SORBS2: variants seen among roughly 807,000 people sequenced by gnomAD.
The protein encoded by SORBS2 is sorbin and SH3 domain-containing protein 2.
In SORBS2, 46 loss-of-function variants were observed where a neutral mutation model predicts 97.7. That is an observed-to-expected ratio of 0.47 (90% CI 0.37 to 0.60). SORBS2 has a LOEUF of 0.60. Ranked by LOEUF, SORBS2 falls within the 20% of genes least tolerant of loss-of-function variation. The pLI, the probability that SORBS2 is intolerant of heterozygous loss-of-function variation, is 0.00. For synonymous variants in SORBS2, 476 were observed against 473.4 expected (o/e 1.01, Z -0.07); for missense variants, 1,316 against 1,282.3 (o/e 1.03, Z -0.40).
At chr4:185,805,676 G>A (rs1019121298) in intron 1 of SORBS2, among the ~76,000 whole-genome samples, 2 of 152,106 alleles carry the variant, frequency 1.3e-5, no homozygotes, top group East Asian at 1.9e-4. Flanking sequence ...GAGCAACCAA[G>A]CAGTTATACA....
At position 185,917,312 on chromosome 4, in the gene SORBS2, C is replaced by T. The variant is rs371115202; in HGVS notation, c.-338+38884G>A. 3.3e-5 allele frequency among the ~76,000 whole-genome samples: 5 copies of T among 152,140 alleles called. No homozygotes were observed. In the South Asian group the frequency reaches 6.2e-4, roughly 19 times the overall value. Reference sequence around the variant, plus strand: ...CACGATCTCAGCTCACTGTAACCTCCGCCTCCCGGGCTCAAGGGATCCTCT... The same window carrying T: ...CACGATCTCAGCTCACTGTAACCTCTGCCTCCCGGGCTCAAGGGATCCTCT... On this transcript the variant is annotated intron_variant, in intron 1 of 20. Transcript: ENST00000284776.
At chr4:185,802,869 A>T (rs2099137047) in intron 1 of SORBS2, among the ~76,000 whole-genome samples, 1 of 152,220 alleles carries the variant, frequency 6.6e-6, no homozygotes, top group Non-Finnish European at 1.5e-5. Context: ...TCTCCATGTC[A>T]ATCAACAAGA....
intron 1 of SORBS2, among the ~76,000 whole-genome samples, chr4:185,944,840 T>C (rs1285280724): frequency 6.6e-6 from 1 of 152,188 alleles, no homozygotes; most frequent in African/African-American, 2.4e-5. Flanking sequence ...TGCAATCCCA[T>C]GGCACAGGTA....
intron 1 of SORBS2, among the ~76,000 whole-genome samples, chr4:185,939,739 A>G (rs1464192235): frequency 3.3e-5 from 5 of 151,826 alleles, no homozygotes; most frequent in African/African-American, 9.7e-5. Flanking sequence ...CGAACTCCCA[A>G]CCTCACGTGA....
At chr4:185,794,409 T>A (rs2099095878) in intron 1 of SORBS2, among the ~76,000 whole-genome samples, 1 of 152,174 alleles carries the variant, frequency 6.6e-6, no homozygotes, top group Non-Finnish European at 1.5e-5. Flanking sequence ...TTGAAAGTGA[T>A]CATTAAATTT....
intron 1 of SORBS2, among the ~76,000 whole-genome samples, chr4:185,900,232 T>A (rs951868334): frequency 6.6e-6 from 1 of 152,164 alleles, no homozygotes; most frequent in Non-Finnish European, 1.5e-5. Flanking sequence ...ATAGGACAAA[T>A]AAGTTACTAT....
At chr4:185,696,206 A>G (rs1561968553) in intron 2 of SORBS2, among the ~76,000 whole-genome samples, 1 of 152,206 alleles carries the variant, frequency 6.6e-6, no homozygotes, top group African/African-American at 2.4e-5. Context: ...ATGTCCTGAT[A>G]TTTGGAAAAA....
intron 1 of SORBS2, among the ~76,000 whole-genome samples, chr4:185,853,812 A>G (rs1183257699): frequency 6.6e-6 from 1 of 152,226 alleles, no homozygotes; most frequent in Admixed American, 6.5e-5. Context: ...TGAGGAAGAA[A>G]CAGAGGGAAA....
intron 1 of SORBS2, among the ~76,000 whole-genome samples, chr4:185,799,052 T>G (rs770634254): frequency 6.6e-6 from 1 of 152,220 alleles, no homozygotes; most frequent in Non-Finnish European, 1.5e-5. Context: ...GACATCAATT[T>G]GAGAACTAGA....
chr4:185,711,036 T>C (rs538289027), intron 2 of SORBS2, among the ~76,000 whole-genome samples: 1 of 152,154 alleles, frequency 6.6e-6, no homozygotes, highest in South Asian at 2.1e-4. Context: ...GTGGTGTGAT[T>C]ATGGCTCACT....
chr4:185,869,888 A>T (rs1051531260), intron 1 of SORBS2, among the ~76,000 whole-genome samples: 1 of 152,246 alleles, frequency 6.6e-6, no homozygotes, highest in Non-Finnish European at 1.5e-5. Flanking sequence ...TTCTCGAGGA[A>T]TAATTTAAAG....
In SORBS2 at chr4:185,627,111, G is replaced by T. The variant is rs994950562; in HGVS notation, c.447-92C>A. 33 of 1,070,066 alleles carry T rather than the reference G, an allele frequency of 3.1e-5. No homozygotes were observed. The Admixed American group carries it at 5.3e-4, about 17-fold the overall frequency. The allele number at this position is 1,070,066 out of a possible 1,614,324, so 66.3% of individuals were successfully genotyped here. On this transcript the variant is annotated intron_variant, in intron 5 of 14. Transcript: ENST00000418609. ...GGTGGAACGTGCTAGTGACAATGGC[G>T]TAACTCCTAAACCTCTATCCCCAAA...
chr4:185,877,382 A>G (rs1249801534), intron 1 of SORBS2, among the ~76,000 whole-genome samples: 2 of 152,252 alleles, frequency 1.3e-5, no homozygotes, highest in Non-Finnish European at 2.9e-5. Flanking sequence ...CAGTTATGTA[A>G]CAATTCAAAT....
In SORBS2 at chr4:185,736,708, C is replaced by T. The variant is rs557941700; in HGVS notation, c.-198+38519G>A. ...CAGGGCCACTGGAACACAACCCACC[C>T]GATGACACCAGGGTGTGTCGAGCCT... On this transcript the variant is annotated intron_variant, in intron 2 of 20. Transcript: ENST00000284776. Among the ~76,000 whole-genome samples, 14 of 152,218 alleles carry T rather than the reference C, an allele frequency of 9.2e-5. No homozygotes were observed. In the South Asian group the frequency reaches 2.1e-3, roughly 23 times the overall value.
At chr4:185,904,996 C>T (rs749720021) in intron 1 of SORBS2, among the ~76,000 whole-genome samples, 1 of 151,948 alleles carries the variant, frequency 6.6e-6, no homozygotes, top group Non-Finnish European at 1.5e-5. Flanking sequence ...CCCAGCTACT[C>T]GGGAAGCTGA....
At chr4:185,678,971 G>GCTTGTA in intron 2 of SORBS2, 149 bp from the exon 6 acceptor site, 1 of 432,474 alleles carries the variant, frequency 2.3e-6, no homozygotes. Context: ...CCAAAGGGAG[G>GCTTGTA]CTTGTACATT....
At chr4:185,857,463 A>G (rs1344641314) in intron 1 of SORBS2, among the ~76,000 whole-genome samples, 1 of 152,228 alleles carries the variant, frequency 6.6e-6, no homozygotes, top group East Asian at 1.9e-4. Flanking sequence ...TGTTTGAACA[A>G]TATGAAATCT....
intron 1 of SORBS2, among the ~76,000 whole-genome samples, chr4:185,889,429 G>C (rs1218255489): frequency 1.3e-5 from 2 of 151,160 alleles, no homozygotes; most frequent in South Asian, 4.2e-4. Context: ...CCTGGTCTCC[G>C]TGTTCACCTC....
Position 185,635,789 on chromosome 4 carries a change from G to C in SORBS2, c.397-5191C>G, listed in dbSNP as rs1256979442. On this transcript the variant is annotated intron_variant, in intron 4 of 14. Transcript: ENST00000418609. ...CCATGTGTGACTGAAAATGATTATGGAAAATGCTGATAACTTAGGCTCAGT... is the reference window on the plus strand; with the variant it reads ...CCATGTGTGACTGAAAATGATTATGCAAAATGCTGATAACTTAGGCTCAGT... Among the ~76,000 whole-genome samples the C allele has an allele frequency of 2.6e-5, 4 of 152,204 alleles. No individual in the cohort carries two copies. In the East Asian group the frequency reaches 7.7e-4, roughly 29 times the overall value.
Sources: allele counts gnomAD v4.1 joint callset (sites outside exome capture counted in the v4.1 genomes callset), GRCh38; gene constraint gnomAD v4.1.1; transcripts MANE v1.5; gene names NCBI Gene and HGNC (gene_info 2026-07-23, HGNC 2026-07-21).